Variants in VWA2 observed in about 807,000 individuals in gnomAD.
VWA2 encodes von Willebrand factor A domain containing 2.
In VWA2, 73 loss-of-function variants were observed where a neutral mutation model predicts 70.4. The observed-to-expected ratio is 1.04, with a 90% confidence interval of 0.86 to 1.26. VWA2 has a LOEUF of 1.26. VWA2 is among the 50% of genes most tolerant of loss of function. VWA2 has a pLI of 0.00. For synonymous variants in VWA2, 407 were observed against 423.3 expected (o/e 0.96, Z 0.47); for missense variants, 1,011 against 998.5 (o/e 1.01, Z -0.17).
chr10:114,263,736 A>G (rs1227359557), intron 5 of VWA2, among the ~76,000 whole-genome samples: 1 of 152,244 alleles, frequency 6.6e-6, no homozygotes, highest in Non-Finnish European at 1.5e-5. Flanking sequence ...TTTATATGCC[A>G]TAAAGTTAAC....
At chr10:114,274,730 A>C (rs1272940992) in intron 6 of VWA2, among the ~76,000 whole-genome samples, 2 of 151,910 alleles carry the variant, frequency 1.3e-5, no homozygotes, top group Non-Finnish European at 2.9e-5. Context: ...CCTGGCTTCA[A>C]GTGACCCACC....
intron 10 of VWA2, 79 bp from the exon 11 acceptor site, chr10:114,285,860 A>C: frequency 7.2e-7 from 1 of 1,390,928 alleles, no homozygotes; most frequent in Non-Finnish European, 9.6e-7. Context: ...CTCCTGGGAG[A>C]TGTTCGGCAT....
At chr10:114,253,777 G>GGGC in intron 3 of VWA2, 52 bp downstream of exon 3, 1 of 1,495,664 alleles carries the variant, frequency 6.7e-7, no homozygotes, top group Non-Finnish European at 9.3e-7. Flanking sequence ...ACCTCTGTGT[G>GGGC]ATGGACTGGA....
chr10:114,275,414 G>A lies in VWA2; in HGVS notation c.566+2480G>A, dbSNP rs147858522. ...TTTGCCTCATGGCCCTCTGCCCGCC[G>A]TTTCCCACATTGTGCCAGACACAGT... On this transcript the variant is annotated intron_variant, in intron 6 of 13. Coordinates refer to ENST00000392982, the MANE Select transcript of VWA2 (RefSeq NM_001272046.2). Among the ~76,000 whole-genome samples, 23 of 152,300 alleles carry A rather than the reference G, an allele frequency of 1.5e-4. No individual in the cohort carries two copies. The East Asian group carries it at 2.7e-3, about 18-fold the overall frequency.
chr10:114,272,684 C>T (rs1246386739), intron 5 of VWA2, 56 bp from the exon 6 acceptor site: 8 of 1,449,602 alleles, frequency 5.5e-6, no homozygotes, highest in Non-Finnish European at 7.4e-6. Flanking sequence ...CTCATCCCAA[C>T]TTCACCTCCC....
At chr10:114,245,260 G>A (rs571884787) in intron 1 of VWA2, among the ~76,000 whole-genome samples, 3 of 152,328 alleles carry the variant, frequency 2.0e-5, no homozygotes, top group South Asian at 2.1e-4. Flanking sequence ...ATAGTGGATC[G>A]AGATCAAGCT....
intron 9 of VWA2, among the ~76,000 whole-genome samples, chr10:114,283,254 C>T (rs911898920): frequency 6.6e-6 from 1 of 151,890 alleles, no homozygotes; most frequent in African/African-American, 2.4e-5. Context: ...GTTAGACACA[C>T]AGGCAGGGCA....
chr10:114,284,807 C>T lies in VWA2; in HGVS notation c.890-56C>T, dbSNP rs1413591791. The T allele has an allele frequency of 5.9e-6, 9 of 1,516,230 alleles. No individual in the cohort carries two copies. The South Asian group carries it at 1.1e-4, about 19-fold the overall frequency. The allele number at this position is 1,516,230 out of a possible 1,614,324, so 93.9% of individuals were successfully genotyped here. On this transcript the variant is annotated intron_variant, in intron 9 of 13. Transcript: ENST00000392982. ...AGCTGCACCCACACCTCTGGCCAGT[C>T]CTCTCCACTCCTCTGTGCTGCGGTG...
Position 114,269,190 on chromosome 10 carries a change from C to T in VWA2, c.372-3550C>T, listed in dbSNP as rs1251224585. Among the ~76,000 whole-genome samples the T allele has an allele frequency of 2.0e-5, 3 of 152,216 alleles. No homozygotes were observed. The South Asian group carries it at 6.2e-4, about 31-fold the overall frequency. ...ACGTGAAGGGTAAGTACCGTCAGGC[C>T]TGTGCAGTGGGCAGCCTGGGCTCTC... On this transcript the variant is annotated intron_variant, in intron 5 of 13. Coordinates refer to ENST00000392982, the MANE Select transcript of VWA2 (RefSeq NM_001272046.2).
chr10:114,290,087 C>T (rs1300636936), intron 12 of VWA2, 153 bp from the exon 13 acceptor site: 2 of 966,494 alleles, frequency 2.1e-6, no homozygotes, highest in Admixed American at 2.7e-5. Flanking sequence ...ACTAACCTAG[C>T]CAAGTGGTAT....
Position 114,290,237 on chromosome 10 carries a change from T to C in VWA2, c.2123-3T>C. On this transcript the variant is annotated splice_polypyrimidine_tract_variant and splice_region_variant and intron_variant, in intron 12 of 13. Transcript: ENST00000392982. ...CTGGTGGGTATGGTGTTCTCCATTG[T>C]AGAAGCCAAGCAGCCAGTCAACCTC... 1.3e-6 allele frequency: 2 copies of C among 1,550,360 alleles called. No individual in the cohort carries two copies. The highest frequency in any genetic ancestry group is 1.2e-5 in the South Asian group (1 of 84,040).
intron 10 of VWA2, 25 bp from the exon 11 acceptor site, chr10:114,285,914 G>A: frequency 6.4e-7 from 1 of 1,557,646 alleles, no homozygotes; most frequent in South Asian, 1.2e-5. Flanking sequence ...TGGCTTGACA[G>A]TGGGTGTTGC....
intron 8 of VWA2, 112 bp from the exon 9 acceptor site, chr10:114,282,404 T>C: frequency 1.2e-6 from 1 of 842,250 alleles, no homozygotes. Context: ...AAGTCTTTCT[T>C]ACTTCTGCAT....
chr10:114,271,263 T>C (rs1039521092), intron 5 of VWA2, among the ~76,000 whole-genome samples: 4 of 152,190 alleles, frequency 2.6e-5, no homozygotes, highest in Non-Finnish European at 5.9e-5. Context: ...AATGTCAATA[T>C]ATGTATTGTA....
chr10:114,282,537 C>T lies in VWA2; in HGVS notation c.855C>T (p.Thr285=). Residue 285 remains threonine, a synonymous_variant, in exon 9 of 14, where the codon ACC becomes ACT. Coordinates refer to ENST00000392982, the MANE Select transcript of VWA2 (RefSeq NM_001272046.2). ...GTAGCTGGAAGAGAGTGTTCCTAAC[C>T]CACCCTGCCACCTGCTACAGGACCA... ...PFYSWKRVFL[T]HPATCYRTTC... The T allele has an allele frequency of 6.2e-7, 1 of 1,614,058 alleles. No homozygotes were observed.
At position 114,292,866 on chromosome 10, in the gene VWA2, T is replaced by C. The variant is rs1001110060; in HGVS notation, c.*1629T>C. Among the ~76,000 whole-genome samples the C allele has an allele frequency of 1.3e-5, 2 of 152,018 alleles. No homozygotes were observed. Among genetic ancestry groups the C allele is most frequent in the African/African-American group, 4.8e-5 (2 of 41,392 alleles). On this transcript the variant is annotated 3_prime_UTR_variant, in exon 14 of 14. Transcript: ENST00000392982. Reference sequence around the variant, plus strand: ...GATTAGAGGCAGGTGCCACCATGCCTAGCTAATTTTTGTATTTTTAGTTAG... The same window carrying C: ...GATTAGAGGCAGGTGCCACCATGCCCAGCTAATTTTTGTATTTTTAGTTAG...
At chr10:114,258,387 TGA>T (rs1306546500) in intron 4 of VWA2, among the ~76,000 whole-genome samples, 1 of 152,190 alleles carries the variant, frequency 6.6e-6, no homozygotes, top group African/African-American at 2.4e-5. Context: ...ACTTAAAAGC[TGA>T]GAGGTTCACT....
chr10:114,248,556 G>A (rs1430001276), intron 1 of VWA2, 148 bp from the exon 2 acceptor site: 3 of 650,868 alleles, frequency 4.6e-6, no homozygotes, highest in East Asian at 2.8e-5. Flanking sequence ...TTGGGAATTG[G>A]GGACTTTTCT....
At chr10:114,288,871 C>T in intron 11 of VWA2, 67 bp from the exon 12 acceptor site, 2 of 1,535,704 alleles carry the variant, frequency 1.3e-6, no homozygotes, top group Admixed American at 1.9e-5. Context: ...CCTGGCAGTC[C>T]CTGGGTCCCG....
Sources: gnomAD v4.1 joint callset for allele counts (sites outside exome capture counted in the v4.1 genomes callset) on GRCh38, gnomAD v4.1.1 for gene constraint, MANE v1.5 for transcripts, NCBI Gene and HGNC (gene_info 2026-07-23, HGNC 2026-07-21) for gene names.